The following NBPF12 variants were observed in gnomAD, a reference collection of about 807,000 sequenced individuals.
NBPF12 encodes the protein NBPF family member NBPF12.
In NBPF12, 115 loss-of-function variants were observed where a neutral mutation model predicts 146.4. The ratio of observed to expected loss-of-function variants is 0.79; its 90% CI spans 0.68 to 0.92. NBPF12 has a LOEUF of 0.92. Among genes scored for constraint, NBPF12 ranks in the 40% least tolerant of loss-of-function variants. The probability of loss-of-function intolerance (pLI) is 0.00; values close to 1 mark genes in which losing one functional copy is unlikely to be tolerated. For missense variants in NBPF12, 1,205 were observed against 1,326.8 expected (o/e 0.91, Z 1.43); for synonymous variants, 385 against 508.9 (o/e 0.76, Z 3.28).
intron 8 of NBPF12, among the ~76,000 whole-genome samples, chr1:146,965,910 C>T (rs1444611283): frequency 6.7e-6 from 1 of 148,386 alleles, no homozygotes; most frequent in Non-Finnish European, 1.5e-5. Context: ...GAGATCGAAA[C>T]CAGCCTGTCC....
At position 146,972,967 on chromosome 1, in the gene NBPF12, T is replaced by C. The variant is rs1656750809; in HGVS notation, c.1801+7T>C. ...AAGCAGCAGAACAAATACAGTAAGATCTATATGCTCACCATCATGAAAGTG... is the reference window on the plus strand; with the variant it reads ...AAGCAGCAGAACAAATACAGTAAGACCTATATGCTCACCATCATGAAAGTG... On this transcript the variant is annotated splice_region_variant and intron_variant, in intron 14 of 33. Transcript: ENST00000617844. 7.7e-6 allele frequency: 7 copies of C among 910,032 alleles called. No homozygotes were observed. Among genetic ancestry groups the C allele is most frequent in the East Asian group, 2.4e-5 (1 of 41,826 alleles). The allele number at this position is 910,032 out of a possible 1,614,324, so 56.4% of individuals were successfully genotyped here.
upstream of NBPF12, among the ~76,000 whole-genome samples, chr1:146,944,639 G>A (rs1459766137): frequency 2.0e-5 from 3 of 151,776 alleles, no homozygotes; most frequent in Non-Finnish European, 4.4e-5. Context: ...TGTTTCAGGA[G>A]GAAGAAGGGG....
At chr1:146,969,878 G>A (rs1438435739) in intron 11 of NBPF12, among the ~76,000 whole-genome samples, 12 of 151,060 alleles carry the variant, frequency 7.9e-5, no homozygotes, top group Non-Finnish European at 1.5e-4. Flanking sequence ...GCTGTGATGG[G>A]AGGGCGCTTG....
At chr1:146,978,673 A>C (rs1435215863) in intron 18 of NBPF12, among the ~76,000 whole-genome samples, 1 of 149,814 alleles carries the variant, frequency 6.7e-6, no homozygotes, top group African/African-American at 2.5e-5. Flanking sequence ...TGTTTGACCA[A>C]TTTTTGGAGA....
chr1:146,967,031 A>T (rs1234168701), intron 9 of NBPF12, among the ~76,000 whole-genome samples: 1 of 150,764 alleles, frequency 6.6e-6, no homozygotes, highest in Non-Finnish European at 1.5e-5. Context: ...TGTTCTAAAT[A>T]TCTGAGACTA....
chr1:146,970,881 G>A (rs1204137319), intron 12 of NBPF12, among the ~76,000 whole-genome samples, 162 bp downstream of exon 15: 2 of 151,472 alleles, frequency 1.3e-5, no homozygotes, highest in African/African-American at 4.9e-5. Context: ...CAGCTGTCGT[G>A]TTTCTGTATG....
At chr1:146,961,924 A>G (rs1407041707) in intron 4 of NBPF12, among the ~76,000 whole-genome samples, 1 of 152,244 alleles carries the variant, frequency 6.6e-6, no homozygotes, top group African/African-American at 2.4e-5. Flanking sequence ...TGGTTGAATC[A>G]TCTTGTCAAC....
intron 23 of NBPF12, among the ~76,000 whole-genome samples, chr1:146,986,058 G>A (rs1220689806): frequency 6.6e-6 from 1 of 151,928 alleles, no homozygotes; most frequent in Non-Finnish European, 1.5e-5. Flanking sequence ...TTCACTGTGT[G>A]TCCCGAGGGC....
chr1:146,994,197 A>G, intron 33 of NBPF12, 135 bp from the exon 37 acceptor site: 5 of 1,568,574 alleles, frequency 3.2e-6, no homozygotes, highest in Non-Finnish European at 4.3e-6. Context: ...CATAAAGGCA[A>G]TAATTTGTTA....
At chr1:146,994,305 C>T (rs587770511) in intron 33 of NBPF12, 27 bp from the exon 37 acceptor site, 1 of 1,611,480 alleles carries the variant, frequency 6.2e-7, no homozygotes, top group Admixed American at 1.7e-5. Flanking sequence ...TCCCTGGCTG[C>T]TTCTTTAGTT....
At chr1:146,965,486 C>G (rs1179137006) in intron 8 of NBPF12, among the ~76,000 whole-genome samples, 2 of 151,192 alleles carry the variant, frequency 1.3e-5, no homozygotes, top group South Asian at 2.1e-4. Flanking sequence ...CTTGTCTTAG[C>G]TATTAATAAG....
chr1:146,939,017 G>C lies in NBPF12; in HGVS notation c.-822+35G>C, dbSNP rs1403482402. On this transcript the variant is annotated intron_variant, in intron 1 of 35. Coordinates refer to the NBPF12 transcript ENST00000617931. The stretch of plus-strand genomic sequence containing the variant: ...CCGCGCCAGGCCGGGCGGCAGGTGA[G>C]TCTGGGACCTGCGGGCGCACAGCTG... The C allele has an allele frequency of 6.6e-6, 1 of 152,322 alleles. No homozygotes were observed. The highest frequency in any genetic ancestry group is 1.9e-4 in the East Asian group (1 of 5,186). 9.4% of individuals were successfully genotyped at this position (152,322 alleles called of 1,614,324 possible).
chr1:146,995,247 G>A (rs1553890365), exon 34 of NBPF12: 2 of 124,216 alleles, frequency 1.6e-5, no homozygotes, highest in South Asian at 3.2e-4. Context: ...GTCAGGAGCC[G>A]CTGGCAGGAG....
At chr1:146,994,767 G>A (rs1559534246) in exon 34 of NBPF12, 2 of 946,266 alleles carry the variant, frequency 2.1e-6, no homozygotes, top group Admixed American at 2.9e-5. Context: ...CCCACGTTAG[G>A]TGTGACACGT....
chr1:146,964,412 G>A, exon 7 of NBPF12: 2 of 1,601,578 alleles, frequency 1.2e-6, no homozygotes, highest in Admixed American at 1.7e-5. Context: ...AGAAAGTACT[G>A]GAATCATCTG....
intron 21 of NBPF12, among the ~76,000 whole-genome samples, 151 bp downstream of exon 24, chr1:146,984,336 G>A (rs1657580633): frequency 1.3e-5 from 2 of 150,908 alleles, no homozygotes; most frequent in African/African-American, 2.5e-5. Context: ...TCTCATTAGA[G>A]TAAATGTTTA....
At chr1:146,966,282 C>T (rs1656201356) in intron 8 of NBPF12, among the ~76,000 whole-genome samples, 182 bp from the exon 12 acceptor site, 2 of 151,914 alleles carry the variant, frequency 1.3e-5, no homozygotes, top group Non-Finnish European at 2.9e-5. Context: ...TTAAAGGTGA[C>T]TGCATAGCTA....
chr1:146,964,594 T>C (rs1176343026), intron 7 of NBPF12, among the ~76,000 whole-genome samples, 165 bp downstream of exon 10: 1 of 151,850 alleles, frequency 6.6e-6, no homozygotes, highest in Non-Finnish European at 1.5e-5. Context: ...CTGTCATGTT[T>C]CTCTATGTGT....
At position 146,954,587 on chromosome 1, in the gene NBPF12, C is replaced by T. The variant is rs1217678659; in HGVS notation, c.-184+3098C>T. Among the ~76,000 whole-genome samples the T allele has an allele frequency of 7.7e-4, 116 of 150,108 alleles. 1 individual carries two copies. Among genetic ancestry groups the T allele is most frequent in the African/African-American group, 2.7e-3 (109 of 40,882 alleles). ...ATTGATCTCCAGATCCAATGCAATT[C>T]TAATAAAAATTCCAAGCGGCATTTT... On this transcript the variant is annotated intron_variant, in intron 2 of 33. Coordinates refer to ENST00000617844, the Ensembl canonical transcript of NBPF12.
Sources: allele counts gnomAD v4.1 joint callset (sites outside exome capture counted in the v4.1 genomes callset), GRCh38; gene constraint gnomAD v4.1.1; transcripts MANE v1.5; gene names NCBI Gene and HGNC (gene_info 2026-07-23, HGNC 2026-07-21).